The following CRTAC1 variants were observed in gnomAD, a reference collection of about 807,000 sequenced individuals.
CRTAC1 encodes the protein acidic secreted protein in cartilage.
In CRTAC1, 37 loss-of-function variants were observed where a neutral mutation model predicts 67.8. The observed-to-expected ratio is 0.55, with a 90% CI of 0.42 to 0.72. The LOEUF is 0.72. CRTAC1 is among the 30% of genes least tolerant of loss of function. CRTAC1 has a pLI of 0.00. For synonymous variants in CRTAC1, 348 were observed against 371.0 expected (o/e 0.94, Z 0.71); for missense variants, 780 against 931.6 (o/e 0.84, Z 2.12).
intron 1 of CRTAC1, among the ~76,000 whole-genome samples, chr10:98,023,853 T>A (rs1590303062): frequency 6.6e-6 from 1 of 152,166 alleles, no homozygotes. Flanking sequence ...TCAAGTGACT[T>A]CCTACCTCCC....
At chr10:97,884,026 G>A (rs1400310818) in intron 12 of CRTAC1, among the ~76,000 whole-genome samples, 180 bp downstream of exon 12, 1 of 152,246 alleles carries the variant, frequency 6.6e-6, no homozygotes, top group African/African-American at 2.4e-5. Flanking sequence ...CAGAAGAGAT[G>A]TGGGTGTGAT....
chr10:97,970,453 C>A (rs1445794057), intron 2 of CRTAC1, among the ~76,000 whole-genome samples: 1 of 152,194 alleles, frequency 6.6e-6, no homozygotes. Flanking sequence ...TCCTCAGGGC[C>A]AGCGTGGTCT....
chr10:97,906,715 A>G (rs2050617595), intron 6 of CRTAC1, among the ~76,000 whole-genome samples: 1 of 152,150 alleles, frequency 6.6e-6, no homozygotes, highest in South Asian at 2.1e-4. Flanking sequence ...GCCTTGCCAG[A>G]GAAGGATAAG....
intron 14 of CRTAC1, among the ~76,000 whole-genome samples, chr10:97,876,521 C>T (rs1366152742): frequency 1.3e-5 from 2 of 151,938 alleles, no homozygotes; most frequent in Non-Finnish European, 2.9e-5. Context: ...CAGCACTGGC[C>T]CACCTTCCCA....
chr10:97,897,008 A>G lies in CRTAC1; in HGVS notation c.1134-17T>C, dbSNP rs1484388998. The G allele has an allele frequency of 1.9e-6, 3 of 1,545,642 alleles. No individual in the cohort carries two copies. Among genetic ancestry groups the G allele is most frequent in the Non-Finnish European group, 2.6e-6 (3 of 1,141,902 alleles). On this transcript the variant is annotated splice_polypyrimidine_tract_variant and intron_variant, in intron 8 of 14. Transcript: ENST00000370597. ...CGGATGACGCTGCAGGAGAGGAGAC[A>G]GGCTTGCTCTGGTGGGGTCTCAGAG...
At chr10:97,969,230 C>T (rs1440726765) in intron 2 of CRTAC1, among the ~76,000 whole-genome samples, 1 of 152,206 alleles carries the variant, frequency 6.6e-6, no homozygotes, top group Non-Finnish European at 1.5e-5. Flanking sequence ...GAAAGTGAGG[C>T]TTCTCAACTG....
chr10:97,939,382 C>T (rs927999600), intron 2 of CRTAC1, among the ~76,000 whole-genome samples: 6 of 152,184 alleles, frequency 3.9e-5, no homozygotes, highest in Non-Finnish European at 8.8e-5. Context: ...AGTGAGCACA[C>T]GCCACAAAGG....
chr10:98,028,605 A>G (rs142688822), intron 1 of CRTAC1, among the ~76,000 whole-genome samples: 1,654 of 152,296 alleles, frequency 0.011, 30 homozygotes, highest in African/African-American at 0.034. Flanking sequence ...ACATCAAGGT[A>G]CCAAGGAATA....
At chr10:97,894,765 T>TGA (rs55849368) in intron 11 of CRTAC1, among the ~76,000 whole-genome samples, 11 of 104,126 alleles carry the variant, frequency 1.1e-4, no homozygotes, top group Non-Finnish European at 1.7e-4. Context: ...TATATATATA[T>TGA]GATAGGATTT....
At position 97,865,593 on chromosome 10, in the gene CRTAC1, G is replaced by A. The variant is rs2050010970; in HGVS notation, c.1941C>T (p.Leu647=). 1 of 1,613,294 alleles carries A rather than the reference G, an allele frequency of 6.2e-7. No individual in the cohort carries two copies. Among genetic ancestry groups the A allele is most frequent in the Non-Finnish European group, 8.5e-7 (1 of 1,179,360 alleles). Residue 647 remains leucine (L), a synonymous_variant, in exon 15 of 15, where the codon CTC becomes CTT. Coordinates refer to ENST00000370597, the MANE Select transcript of CRTAC1 (RefSeq NM_018058.7). ...TCTCCTTAACCACCGACCCCAGATT[G>A]AGATCTCCATCTACGAGGACCGGTG... ...TAAPVLVDGD[L]NLGSVVKESC... is the part of the protein sequence containing the mutation.
intron 2 of CRTAC1, among the ~76,000 whole-genome samples, chr10:97,972,238 C>T (rs185386285): frequency 6.6e-6 from 1 of 152,344 alleles, no homozygotes; most frequent in Non-Finnish European, 1.5e-5. Context: ...TACCATGAGT[C>T]AGGAGGGCAG....
intron 3 of CRTAC1, among the ~76,000 whole-genome samples, chr10:97,932,734 A>G (rs1001256177): frequency 2.0e-5 from 3 of 152,164 alleles, no homozygotes; most frequent in African/African-American, 7.2e-5. Flanking sequence ...CCCGGGTCAC[A>G]TAGGAGGGGT....
intron 2 of CRTAC1, among the ~76,000 whole-genome samples, chr10:97,995,475 TAGAA>T (rs1372273582): frequency 6.6e-6 from 1 of 152,340 alleles, no homozygotes; most frequent in African/African-American, 2.4e-5. Flanking sequence ...TTCTTGGTGA[TAGAA>T]AGAACACAAG....
In CRTAC1 at chr10:97,936,176, A is replaced by G; in HGVS notation, c.415T>C (p.Phe139Leu). 6.2e-7 allele frequency: 1 copy of G among 1,604,032 alleles called. No individual in the cohort carries two copies. The highest frequency in any genetic ancestry group is 8.5e-7 in the Non-Finnish European group (1 of 1,172,572). Residue 139 changes from phenylalanine (F) to leucine (L), a missense_variant, in exon 3 of 15, where the codon TTC becomes CTC. Phe to Leu is a conservative substitution (Grantham distance 22). Transcript: ENST00000370597. ...EIYFLNTNNAFSGVATYTDKL... is the reference protein window; with the variant it reads ...EIYFLNTNNALSGVATYTDKL... ...CCTGAGCCCCAGCCCTTACCCGAGA[A>G]GGCATTATTGGTGTTGAGGAAGTAG...
chr10:97,873,821 T>A (rs771523875), intron 14 of CRTAC1, among the ~76,000 whole-genome samples: 16 of 152,208 alleles, frequency 1.1e-4, no homozygotes, highest in Non-Finnish European at 2.4e-4. Context: ...ATTCTCCATC[T>A]GCCGCACCCT....
At chr10:97,876,945 GTTTTTTTTTTTTT>G (rs71007368) in intron 14 of CRTAC1, among the ~76,000 whole-genome samples, 42 of 53,430 alleles carry the variant, frequency 7.9e-4, no homozygotes, top group African/African-American at 2.5e-3. Context: ...AGGAGGCTCT[GTTTTTTTTTTTTT>G]TTTTTTTTTT....
chr10:97,865,967 T>A (rs944150083), intron 14 of CRTAC1: 6 of 479,764 alleles, frequency 1.3e-5, no homozygotes, highest in African/African-American at 1.9e-5. Context: ...CAGAGACAGA[T>A]CTTCCTAGGA....
rs934480849 is a variant in CRTAC1 at position 97,975,327 on chromosome 10, G to A, written c.224+35811C>T. 3.9e-5 allele frequency among the ~76,000 whole-genome samples: 6 copies of A among 152,048 alleles called. No homozygotes were observed. Among genetic ancestry groups the A allele is most frequent in the African/African-American group, 1.4e-4 (6 of 41,420 alleles). ...GGGTGCTGCGGGAGGCGCCAGGGCCGGTTCCTGACCCGCCTCCTGGCTGGA... is the reference window on the plus strand; with the variant it reads ...GGGTGCTGCGGGAGGCGCCAGGGCCAGTTCCTGACCCGCCTCCTGGCTGGA... On this transcript the variant is annotated intron_variant, in intron 2 of 14. Transcript: ENST00000370597. This position sits in a 1 kb window ranked among gnomAD's most constrained non-coding sequence, Gnocchi z 4.8.
intron 2 of CRTAC1, among the ~76,000 whole-genome samples, chr10:97,991,440 AAAT>A (rs1842454144): frequency 6.6e-6 from 1 of 151,300 alleles, no homozygotes; most frequent in Non-Finnish European, 1.5e-5. Context: ...ATAAATAAAT[AAAT>A]AAATAAGATA....
Sources: allele counts gnomAD v4.1 joint callset (sites outside exome capture counted in the v4.1 genomes callset), GRCh38; gene constraint gnomAD v4.1.1; non-coding constraint Gnocchi (gnomAD v3.1); transcripts MANE v1.5; gene names NCBI Gene and HGNC (gene_info 2026-07-23, HGNC 2026-07-21).